The following ABHD18 variants were observed in gnomAD, a reference collection of about 807,000 sequenced individuals.
ABHD18 encodes cardiolipin-specific deacylase, mitochondrial.
Under a neutral mutation model 65.9 loss-of-function variants are expected in ABHD18, and 55 were observed. The ratio of observed to expected loss-of-function variants is 0.84; its 90% CI spans 0.67 to 1.05. The LOEUF (loss-of-function observed/expected upper bound fraction) is 1.05, where lower values mean the gene tolerates loss of function less well. Ranked by LOEUF, ABHD18 falls within the 50% of genes least tolerant of loss-of-function variation. ABHD18 has a pLI of 0.00. For missense variants in ABHD18, 533 were observed against 558.5 expected (o/e 0.95, Z 0.46); for synonymous variants, 181 against 180.2 (o/e 1.00, Z -0.04).
chr4:127,990,707 T>C, intron 4 of ABHD18, among the ~76,000 whole-genome samples: 1 of 152,206 alleles, frequency 6.6e-6, no homozygotes, highest in Non-Finnish European at 1.5e-5. Flanking sequence ...CTAAGTAAAG[T>C]GCCTCAGGAT....
rs868867503 is a variant in ABHD18 at position 127,982,966 on chromosome 4, G to A, written c.11G>A (p.Ser4Asn). 1.3e-6 allele frequency: 2 copies of A among 1,560,708 alleles called. No homozygotes were observed. The highest frequency in any genetic ancestry group is 1.4e-5 in the African/African-American group (1 of 73,752). ...GCTTGTTTGCTACTGATGGGTGTGA[G>A]CAAGTTAGATATTCTATACCGGAGA... MGV[S>N]KLDILYRRLL... The change falls in exon 2 of 13, where the codon AGC becomes AAC. Residue 4 changes from serine to asparagine, a missense_variant. Ser to Asn is a conservative substitution (Grantham distance 46). Around this residue, in one of 3 missense-constraint regions of ABHD18, gnomAD observed 309 missense variants for 313.5 expected, o/e 0.99. Transcript: ENST00000645843.
intron 8 of ABHD18, 45 bp from the exon 9 acceptor site, chr4:128,020,035 T>G: frequency 2.4e-6 from 3 of 1,260,688 alleles, no homozygotes; most frequent in Non-Finnish European, 3.3e-6. Flanking sequence ...TTTATTTTAA[T>G]GAATAGAAAC....
Position 128,024,715 on chromosome 4 carries a change from T to C in ABHD18, c.801+3477T>C, listed in dbSNP as rs75216606. 4.3e-3 allele frequency among the ~76,000 whole-genome samples: 655 copies of C among 151,962 alleles called. 15 individuals are homozygous for C. In the East Asian group the frequency reaches 0.076, roughly 18 times the overall value. On this transcript the variant is annotated intron_variant, in intron 10 of 12. Transcript: ENST00000645843. ...ATTTTAATTTTTTTTTTTTTTGAGA[T>C]GGAGTTTCACTCTTTTGCCCAGGTT...
At position 128,030,678 on chromosome 4, in the gene ABHD18, A is replaced by G. The variant is rs779278379; in HGVS notation, c.1343+6A>G. 100 of 1,578,600 alleles carry G rather than the reference A, an allele frequency of 6.3e-5. No individual in the cohort carries two copies. Among genetic ancestry groups the G allele is most frequent in the Non-Finnish European group, 8.2e-5 (96 of 1,170,772 alleles). On this transcript the variant is annotated splice_donor_region_variant and intron_variant, in intron 12 of 12. Transcript: ENST00000645843. The stretch of plus-strand genomic sequence containing the variant: ...TTTAAACAAGGACTCTTCAGGTAAG[A>G]CGGCTGGTCTAAACATGTATTCGTT...
In ABHD18 at chr4:127,980,397, G is replaced by T. The variant is rs1014219950; in HGVS notation, c.-17-2542G>T. 2.7e-5 allele frequency among the ~76,000 whole-genome samples: 4 copies of T among 148,688 alleles called. No homozygotes were observed. In the Admixed American group the frequency reaches 2.8e-4, roughly 10 times the overall value. On this transcript the variant is annotated intron_variant, in intron 1 of 12. Coordinates refer to ENST00000645843, the MANE Select transcript of ABHD18 (RefSeq NM_001358451.3). ...CTTTATAAATTACCCAGCTGGTGTT[G>T]CTCTGTTATAGCAACACAAAACAGA...
chr4:128,004,624 G>T (rs1040634596), intron 4 of ABHD18, among the ~76,000 whole-genome samples: 1 of 151,990 alleles, frequency 6.6e-6, no homozygotes, highest in Non-Finnish European at 1.5e-5. Flanking sequence ...AAAATTATAC[G>T]TGAGAGCCGG....
chr4:128,005,352 T>C (rs1171946634), intron 4 of ABHD18, among the ~76,000 whole-genome samples: 5 of 152,246 alleles, frequency 3.3e-5, no homozygotes, highest in Admixed American at 1.3e-4. Flanking sequence ...GTAGCTGGAA[T>C]TGAGAAAGGC....
intron 10 of ABHD18, among the ~76,000 whole-genome samples, chr4:128,027,006 T>C (rs1025006074): frequency 6.6e-6 from 1 of 152,122 alleles, no homozygotes; most frequent in Non-Finnish European, 1.5e-5. Flanking sequence ...AGTCTTGAAT[T>C]CCTGACCTCA....
chr4:127,987,454 A>T (rs538924225), intron 3 of ABHD18, among the ~76,000 whole-genome samples: 1 of 152,162 alleles, frequency 6.6e-6, no homozygotes, highest in South Asian at 2.1e-4. Flanking sequence ...TCACGCCTGT[A>T]ATCCCAGCAC....
At chr4:128,033,779 G>A (rs1431644478) in intron 12 of ABHD18, among the ~76,000 whole-genome samples, 3 of 151,426 alleles carry the variant, frequency 2.0e-5, no homozygotes, top group South Asian at 2.1e-4. Context: ...CTCGTGATCC[G>A]CCTGTCTCGG....
chr4:128,024,275 T>C (rs1757004598), intron 10 of ABHD18, among the ~76,000 whole-genome samples: 1 of 152,156 alleles, frequency 6.6e-6, no homozygotes, highest in South Asian at 2.1e-4. Flanking sequence ...CAGGAATCCA[T>C]TCCCGGTAAC....
At chr4:128,031,211 T>G (rs1158305322) in intron 12 of ABHD18, 1 of 866,610 alleles carries the variant, frequency 1.2e-6, no homozygotes, top group Non-Finnish European at 1.4e-6. Flanking sequence ...TCCCAGCACT[T>G]TGGGAGGCGG....
Position 128,009,109 on chromosome 4 carries a change from T to C in ABHD18, c.360T>C (p.His120=). Residue 120 remains histidine, a splice_region_variant and synonymous_variant, in exon 6 of 13, where the codon CAT becomes CAC. Coordinates refer to ENST00000645843, the MANE Select transcript of ABHD18 (RefSeq NM_001358451.3). ...CIHLAGTGDH[H]YWRRRTLMAR... ...TATGTGTTCTTTTCTTTCCTTAGCA[T>C]TACTGGAGGCGACGAACACTAATGG... The C allele has an allele frequency of 6.3e-7, 1 of 1,575,330 alleles. No individual in the cohort carries two copies. The highest frequency in any genetic ancestry group is 8.6e-7 in the Non-Finnish European group (1 of 1,168,890).
At chr4:128,015,450 TC>T (rs1755320233) in intron 7 of ABHD18, among the ~76,000 whole-genome samples, 1 of 152,140 alleles carries the variant, frequency 6.6e-6, no homozygotes, top group Non-Finnish European at 1.5e-5. Flanking sequence ...ACCTGAGAAT[TC>T]AAGGCTCCCA....
chr4:127,988,624 C>T (rs1174533588), intron 3 of ABHD18, among the ~76,000 whole-genome samples: 1 of 152,134 alleles, frequency 6.6e-6, no homozygotes, highest in Non-Finnish European at 1.5e-5. Flanking sequence ...CAACATTTTA[C>T]ATTTTTCAAA....
chr4:128,003,735 A>T (rs1178209985), intron 4 of ABHD18, among the ~76,000 whole-genome samples: 3 of 152,088 alleles, frequency 2.0e-5, no homozygotes, highest in Non-Finnish European at 4.4e-5. Flanking sequence ...TACATTTTAC[A>T]TATAAAATTT....
chr4:128,011,595 T>C, intron 6 of ABHD18, 78 bp from the exon 7 acceptor site: 2 of 1,103,166 alleles, frequency 1.8e-6, no homozygotes, highest in Non-Finnish European at 2.6e-6. Context: ...TTGTGTAAAA[T>C]TTAACTATTT....
rs192660885 is a variant in ABHD18, at chr4:128,014,726, A to G, written c.471-2637A>G. On this transcript the variant is annotated intron_variant, in intron 7 of 12. Transcript: ENST00000645843. The stretch of plus-strand genomic sequence containing the variant: ...ACAGATTGCATGAGTCCAGGAGTTC[A>G]AGACCAGCCTGTGCAACATGGCAAA... Among the ~76,000 whole-genome samples, 259 of 152,136 alleles carry G rather than the reference A, an allele frequency of 1.7e-3. 2 individuals carry two copies. Among genetic ancestry groups the G allele is most frequent in the African/African-American group, 6.0e-3 (249 of 41,508 alleles).
At chr4:127,987,050 C>G (rs1227426482) in intron 3 of ABHD18, among the ~76,000 whole-genome samples, 2 of 152,094 alleles carry the variant, frequency 1.3e-5, no homozygotes, top group Admixed American at 6.6e-5. Flanking sequence ...GTTCTGCTTC[C>G]TTTATTAATA....
Sources: gnomAD v4.1 joint callset for allele counts (sites outside exome capture counted in the v4.1 genomes callset) on GRCh38, gnomAD v4.1.1 for gene constraint, gnomAD v4.1.1 regional missense constraint, MANE v1.5 for transcripts, NCBI Gene and HGNC (gene_info 2026-07-23, HGNC 2026-07-21) for gene names.